Variants in DCHS2 observed in about 807,000 individuals in gnomAD.
The protein encoded by DCHS2 is protocadherin-23.
A neutral mutation model predicts 182.4 loss-of-function variants in DCHS2; 142 were observed. That is an observed-to-expected ratio of 0.78 (90% CI 0.68 to 0.89). The LOEUF (loss-of-function observed/expected upper bound fraction) is 0.89, where lower values mean the gene tolerates loss of function less well. Among genes scored for constraint, DCHS2 ranks in the 40% least tolerant of loss-of-function variants. The probability of loss-of-function intolerance (pLI) is 0.00; values close to 1 mark genes in which losing one functional copy is unlikely to be tolerated. For synonymous variants in DCHS2, 1,740 were observed against 1,663.3 expected (o/e 1.05, Z -1.12); for missense variants, 4,319 against 4,198.6 (o/e 1.03, Z -0.79).
intron 3 of DCHS2, among the ~76,000 whole-genome samples, chr4:154,349,661 T>C (rs1357587682): frequency 6.6e-6 from 1 of 152,204 alleles, no homozygotes; most frequent in Non-Finnish European, 1.5e-5. Context: ...TATCCTTTCA[T>C]GTCTACTTAG....
At position 154,408,298 on chromosome 4, in the gene DCHS2, T is replaced by C. The variant is rs147149928; in HGVS notation, c.2053-30854A>G. 8.5e-5 allele frequency among the ~76,000 whole-genome samples: 13 copies of C among 152,290 alleles called. No individual in the cohort carries two copies. In the East Asian group the frequency reaches 2.5e-3, roughly 29 times the overall value. Reference sequence around the variant, plus strand: ...TCAATGATTACTCTGATTTAAATATTATGATGGTGCCAGAGCTATATTTAA... The same window carrying C: ...TCAATGATTACTCTGATTTAAATATCATGATGGTGCCAGAGCTATATTTAA... On this transcript the variant is annotated intron_variant, in intron 1 of 19. Transcript: ENST00000357232.
chr4:154,442,790 T>C (rs1734092754), intron 1 of DCHS2, among the ~76,000 whole-genome samples: 1 of 152,120 alleles, frequency 6.6e-6, no homozygotes, highest in African/African-American at 2.4e-5. Context: ...TCCCCACTTA[T>C]TGTTAGAAGA....
At chr4:154,377,222 T>C (rs774612453) in intron 2 of DCHS2, 31 bp downstream of exon 2, 2 of 1,600,058 alleles carry the variant, frequency 1.2e-6, no homozygotes, top group Admixed American at 1.7e-5. Flanking sequence ...TGTGATTATG[T>C]TTAAAATAAA....
chr4:154,261,220 C>T (rs1732971097), intron 14 of DCHS2, among the ~76,000 whole-genome samples: 1 of 152,180 alleles, frequency 6.6e-6, no homozygotes, highest in African/African-American at 2.4e-5. Flanking sequence ...ATGCGGTTGA[C>T]ATAAAGCTGA....
chr4:154,406,548 C>T (rs1732408615), intron 1 of DCHS2, among the ~76,000 whole-genome samples: 1 of 152,206 alleles, frequency 6.6e-6, no homozygotes, highest in South Asian at 2.1e-4. Context: ...GCTCGAAGTG[C>T]AAATGATATA....
At chr4:154,379,171 GA>G (rs753398439) in intron 1 of DCHS2, among the ~76,000 whole-genome samples, 6 of 151,882 alleles carry the variant, frequency 4.0e-5, no homozygotes, top group Non-Finnish European at 7.4e-5. Context: ...AGATAAAATG[GA>G]AAAAAAAGGA....
intron 12 of DCHS2, among the ~76,000 whole-genome samples, chr4:154,300,817 A>G (rs1735169951): frequency 6.6e-6 from 1 of 152,220 alleles, no homozygotes; most frequent in Non-Finnish European, 1.5e-5. Flanking sequence ...AAGTGAACAC[A>G]TTGCAAAGAT....
intron 10 of DCHS2, 141 bp from the exon 11 acceptor site, chr4:154,305,372 A>G: frequency 8.9e-7 from 1 of 1,126,112 alleles, no homozygotes; most frequent in South Asian, 2.2e-5. Flanking sequence ...TTAAGGTAAA[A>G]GAAAACCTCT....
At chr4:154,378,699 C>T (rs1462248423) in intron 1 of DCHS2, among the ~76,000 whole-genome samples, 1 of 152,108 alleles carries the variant, frequency 6.6e-6, no homozygotes, top group Non-Finnish European at 1.5e-5. Context: ...TGTAACGGGC[C>T]AAAGGTCACA....
At chr4:154,305,635 C>T (rs1578943261) in intron 10 of DCHS2, among the ~76,000 whole-genome samples, 2 of 152,304 alleles carry the variant, frequency 1.3e-5, no homozygotes, top group African/African-American at 4.8e-5. Flanking sequence ...AAAGCCCGTG[C>T]TAAGTTATAG....
In DCHS2 at chr4:154,235,246, G is replaced by A. The variant is rs758208401; in HGVS notation, c.9406C>T (p.Pro3136Ser). ...HESRVPDSGI[P>S]RDSDQLSCLS... is the part of the protein sequence containing the mutation. ...CAGGAGAGCTGGTCTGAGTCCCTCGGGATACCCGAGTCTGGCACCCTGGAC... is the reference window on the plus strand; with the variant it reads ...CAGGAGAGCTGGTCTGAGTCCCTCGAGATACCCGAGTCTGGCACCCTGGAC... Residue 3136 changes from proline to serine, a missense_variant, in exon 20 of 20, where the codon CCG becomes TCG. Pro to Ser is a moderately conservative substitution (Grantham distance 74). Transcript: ENST00000357232. 9 of 1,614,002 alleles carry A rather than the reference G, an allele frequency of 5.6e-6. No individual in the cohort carries two copies. The Admixed American group carries it at 1.5e-4, about 27-fold the overall frequency.
intron 1 of DCHS2, among the ~76,000 whole-genome samples, chr4:154,483,249 A>C (rs1735989780): frequency 6.6e-6 from 1 of 152,202 alleles, no homozygotes; most frequent in African/African-American, 2.4e-5. Context: ...GGTGATATAC[A>C]AGAAGAGAAA....
chr4:154,241,012 T>G (rs1731800551), intron 17 of DCHS2, among the ~76,000 whole-genome samples, 189 bp from the exon 18 acceptor site: 1 of 152,198 alleles, frequency 6.6e-6, no homozygotes, highest in African/African-American at 2.4e-5. Flanking sequence ...CCAATAAAAG[T>G]GAAAATTTAC....
intron 16 of DCHS2, among the ~76,000 whole-genome samples, chr4:154,251,157 T>C (rs935769351): frequency 6.6e-6 from 1 of 152,216 alleles, no homozygotes; most frequent in African/African-American, 2.4e-5. Flanking sequence ...AATTGCTTTC[T>C]CCCAGTCATA....
chr4:154,302,222 A>C (rs72617461), intron 12 of DCHS2, among the ~76,000 whole-genome samples: 1 of 152,206 alleles, frequency 6.6e-6, no homozygotes, highest in East Asian at 1.9e-4. Context: ...ATTGAAAAAA[A>C]CTTAAGTAAA....
chr4:154,396,304 G>A (rs1249156519), intron 1 of DCHS2, among the ~76,000 whole-genome samples: 1 of 151,914 alleles, frequency 6.6e-6, no homozygotes, highest in Non-Finnish European at 1.5e-5. Flanking sequence ...GAAGGGTGGG[G>A]GAAGAAGGAA....
chr4:154,467,262 A>G (rs4696212), intron 1 of DCHS2, among the ~76,000 whole-genome samples: 138,577 of 152,182 alleles, frequency 0.91, 64,522 homozygotes, highest in East Asian at 1. Flanking sequence ...GATGGCTGTC[A>G]AGTTGTCCTA....
chr4:154,417,113 T>C (rs1732866376), intron 1 of DCHS2, among the ~76,000 whole-genome samples: 1 of 149,926 alleles, frequency 6.7e-6, no homozygotes. Context: ...ATCACATGGC[T>C]AAAACCACAC....
intron 2 of DCHS2, among the ~76,000 whole-genome samples, chr4:154,374,734 A>T (rs1022492335): frequency 2.0e-5 from 3 of 152,216 alleles, no homozygotes; most frequent in Middle Eastern, 3.2e-3. Flanking sequence ...ATTTCAAAAG[A>T]GAATGATTAG....
Sources: allele counts gnomAD v4.1 joint callset (sites outside exome capture counted in the v4.1 genomes callset), GRCh38; gene constraint gnomAD v4.1.1; transcripts MANE v1.5; gene names NCBI Gene and HGNC (gene_info 2026-07-23, HGNC 2026-07-21).